Variants in FBXW5 observed in about 807,000 individuals in gnomAD.
The protein encoded by FBXW5 is F-box and WD repeat domain containing 5.
FBXW5 carries 74 observed loss-of-function variants against 50.9 expected under a neutral mutation model. The observed-to-expected ratio is 1.45, with a 90% confidence interval of 1.20 to 1.76. The LOEUF (loss-of-function observed/expected upper bound fraction) is 1.76, where lower values mean the gene tolerates loss of function less well. FBXW5 is among the 40% of genes most tolerant of loss of function. FBXW5 has a pLI of 0.00. For missense variants in FBXW5, 1,073 were observed against 818.8 expected (o/e 1.31, Z -3.79); for synonymous variants, 523 against 362.2 (o/e 1.44, Z -5.04).
chr9:136,941,661 G>T lies in FBXW5; in HGVS notation c.1120C>A (p.Gln374Lys). The T allele has an allele frequency of 1.9e-6, 3 of 1,564,632 alleles. No homozygotes were observed. Among genetic ancestry groups the T allele is most frequent in the Non-Finnish European group, 2.6e-6 (3 of 1,155,464 alleles). The change falls in exon 7 of 9, where the codon CAG becomes AAG. Residue 374 changes from glutamine to lysine, a missense_variant. Transcript: ENST00000325285. ...QIGIKQILPH[Q>K]MTTAGPVLGE... ...AGCACGGGCCCTGCCGTGGTCATCTGGTGTGGCAGGATCTGCTTGATGCCT... is the reference window on the plus strand; with the variant it reads ...AGCACGGGCCCTGCCGTGGTCATCTTGTGTGGCAGGATCTGCTTGATGCCT...
Position 136,943,385 on chromosome 9 carries a change from G to A in FBXW5, c.315C>T (p.Tyr105=). 1.2e-6 allele frequency: 2 copies of A among 1,612,912 alleles called. No homozygotes were observed. The highest frequency in any genetic ancestry group is 1.7e-6 in the Non-Finnish European group (2 of 1,179,952). ...VLHLSFSHSG[Y]QFASCSKDCT... is the part of the protein sequence containing the mutation. Reference sequence around the variant, plus strand: ...AGTCCTTGGAGCAGGACGCGAACTGGTACCCGGAATGGGAGAAGCTGAGGT... The same window carrying A: ...AGTCCTTGGAGCAGGACGCGAACTGATACCCGGAATGGGAGAAGCTGAGGT... Residue 105 remains tyrosine (Y), a synonymous_variant, in exon 3 of 9, where the codon TAC becomes TAT. Transcript: ENST00000325285.
chr9:136,943,011 G>A (rs1215154639), intron 3 of FBXW5, 68 bp from the exon 4 acceptor site: 1 of 1,602,244 alleles, frequency 6.2e-7, no homozygotes, highest in Non-Finnish European at 8.5e-7. Context: ...CTACTACACA[G>A]CCATGAGGCC....
At chr9:136,941,916 T>C (rs911893944) in intron 6 of FBXW5, 130 bp downstream of exon 6, 61 of 1,439,836 alleles carry the variant, frequency 4.2e-5, no homozygotes, top group Non-Finnish European at 5.0e-5. Context: ...TCTGGGCTTG[T>C]GACCCCAGGG....
Position 136,942,552 on chromosome 9 carries a change from A to C in FBXW5, c.670T>G (p.Phe224Val), listed in dbSNP as rs770046261. The C allele has an allele frequency of 9.9e-6, 16 of 1,610,600 alleles. No individual in the cohort carries two copies. Among genetic ancestry groups the C allele is most frequent in the Non-Finnish European group, 1.4e-5 (16 of 1,178,618 alleles). ...GCCCCTAGCCCCGCACGCACCTGGAAGGCATTGTTGAGCCACAGCACCGAG... is the reference window on the plus strand; with the variant it reads ...GCCCCTAGCCCCGCACGCACCTGGACGGCATTGTTGAGCCACAGCACCGAG... ...SCSVLWLNNA[F>V]QDVESENVNV... The change falls in exon 5 of 9, where the codon TTC becomes GTC. Residue 224 changes from phenylalanine to valine, a missense_variant. Coordinates refer to ENST00000325285, the MANE Select transcript of FBXW5 (RefSeq NM_018998.4).
In FBXW5 at chr9:136,943,939, G is replaced by A; in HGVS notation, c.145C>T (p.Gln49Ter). 1 of 1,553,824 alleles carries A rather than the reference G, an allele frequency of 6.4e-7. No homozygotes were observed. The highest frequency in any genetic ancestry group is 8.7e-7 in the Non-Finnish European group (1 of 1,149,272). The change falls in exon 2 of 9, where the codon CAG becomes TAG. Residue 49 changes from glutamine (Q) to a stop codon, truncating the protein, a stop_gained. Coordinates refer to ENST00000325285, the MANE Select transcript of FBXW5 (RefSeq NM_018998.4). LOFTEE classifies it high-confidence loss of function. The part of the protein sequence containing the change: ...VSRDEFLWRE[Q>*]FYRYYQVARD... ...GCCACCTGGTAGTAGCGGTAGAACT[G>A]CTCCCTCCACAGGAACTCGTCCCGC... is the stretch of plus-strand genomic sequence containing the variant.
In FBXW5 at chr9:136,942,407, A is replaced by G; in HGVS notation, c.735T>C (p.Asn245=). 6.2e-7 allele frequency: 1 copy of G among 1,608,852 alleles called. No individual in the cohort carries two copies. The highest frequency in any genetic ancestry group is 1.1e-5 in the South Asian group (1 of 90,982). Residue 245 remains asparagine, a synonymous_variant, in exon 6 of 9, where the codon AAT becomes AAC. Transcript: ENST00000325285. ...VKRLFKIQNL[N]ASTVRTVMVA... is the part of the protein sequence containing the mutation. ...CCATCACCGTGCGGACGGTGCTGGCATTGAGGTTCTGGATCTTGAACAGCC... is the reference window on the plus strand; with the variant it reads ...CCATCACCGTGCGGACGGTGCTGGCGTTGAGGTTCTGGATCTTGAACAGCC...
Position 136,940,744 on chromosome 9 carries a change from C to T in FBXW5, c.*184G>A. 1 of 1,021,554 alleles carries T rather than the reference C, an allele frequency of 9.8e-7. No homozygotes were observed. The highest frequency in any genetic ancestry group is 1.4e-6 in the Non-Finnish European group (1 of 721,300). 63.3% of individuals were successfully genotyped at this position (1,021,554 alleles called of 1,614,324 possible). ...GGCCTTGGGCTCCATCTGCACTGGC[C>T]ACCCCGTGCCAAGCATCACAGCTGC... On this transcript the variant is annotated 3_prime_UTR_variant, in exon 9 of 9. Transcript: ENST00000325285.
chr9:136,942,021 G>GGGCAGCAT (rs1850790208), intron 6 of FBXW5, 25 bp downstream of exon 6: 2 of 1,582,802 alleles, frequency 1.3e-6, no homozygotes, highest in Non-Finnish European at 1.7e-6. Context: ...GGACCGAGGC[G>GGGCAGCAT]GGCAGCATGG....
intron 8 of FBXW5, 36 bp downstream of exon 8, chr9:136,941,215 G>A (rs1346544713): frequency 6.3e-7 from 1 of 1,599,150 alleles, no homozygotes; most frequent in Non-Finnish European, 8.5e-7. Context: ...GCCCGCTGCT[G>A]CCCACACCCG....
At position 136,942,904 on chromosome 9, in the gene FBXW5, C is replaced by G. The variant is rs149461505; in HGVS notation, c.391G>C (p.Ala131Pro). The G allele has an allele frequency of 1.2e-6, 2 of 1,613,498 alleles. No individual in the cohort carries two copies. Among genetic ancestry groups the G allele is most frequent in the Non-Finnish European group, 1.7e-6 (2 of 1,179,970 alleles). ...NDLTISLLHS[A>P]DMRPYNWSYT... The stretch of plus-strand genomic sequence containing the variant: ...CTCCAGTTGTAGGGCCGCATGTCCG[C>G]GCTGTGCAGCAGCGAGATGGTCAGG... The change falls in exon 4 of 9, where the codon GCG becomes CCG. Residue 131 changes from alanine to proline, a missense_variant. Coordinates refer to ENST00000325285, the MANE Select transcript of FBXW5 (RefSeq NM_018998.4).
Position 136,942,734 on chromosome 9 carries a change from G to T in FBXW5, c.526+35C>A, listed in dbSNP as rs2131357377. ...GGGGCTGGACAGGCTGTCGGCGTGG[G>T]GCGGGGGCAGGGTCAACCCGCCGCC... On this transcript the variant is annotated intron_variant, in intron 4 of 8. Transcript: ENST00000325285. 5 of 1,611,644 alleles carry T rather than the reference G, an allele frequency of 3.1e-6. No individual in the cohort carries two copies. In the African/African-American group the frequency reaches 4.0e-5, roughly 13 times the overall value.
At chr9:136,943,316 G>GGT (rs774324435) in intron 3 of FBXW5, 33 bp downstream of exon 3, 1 of 1,603,990 alleles carries the variant, frequency 6.2e-7, no homozygotes, top group Non-Finnish European at 8.5e-7. Flanking sequence ...GGCAGAGCTG[G>GGT]GTGGGGTGTG....
rs750690697 is a variant in FBXW5, at chr9:136,942,622, G to A, written c.600C>T (p.Ser200=). 8 of 1,609,970 alleles carry A rather than the reference G, an allele frequency of 5.0e-6. No homozygotes were observed. The highest frequency in any genetic ancestry group is 5.9e-6 in the Non-Finnish European group (7 of 1,178,842). ...DVFGCWLTET[S]LISGNLHRIG... ...TGCGGTGCAGGTTCCCCGAGATGAG[G>A]CTGGTCTCGGTGAGCCAACAGCCAA... Residue 200 remains serine, a synonymous_variant, in exon 5 of 9, where the codon AGC becomes AGT. Transcript: ENST00000325285.
At chr9:136,943,315 G>A (rs2131359398) in intron 3 of FBXW5, 34 bp downstream of exon 3, 1 of 1,603,018 alleles carries the variant, frequency 6.2e-7, no homozygotes. Context: ...CGGCAGAGCT[G>A]GGTGGGGTGT....
chr9:136,943,814 A>G (rs1239128857), intron 2 of FBXW5, 77 bp downstream of exon 2: 4 of 1,464,724 alleles, frequency 2.7e-6, no homozygotes, highest in Non-Finnish European at 3.7e-6. Flanking sequence ...GCGGGCCCCC[A>G]GCCAGGCTGA....
In FBXW5 at chr9:136,942,888, T is replaced by C. The variant is rs1850848846; in HGVS notation, c.407A>G (p.Tyr136Cys). ...GGAGAACTGGGTGTAGCTCCAGTTG[T>C]AGGGCCGCATGTCCGCGCTGTGCAG... ...SLLHSADMRPYNWSYTQFSQF... is the reference protein window; with the variant it reads ...SLLHSADMRPCNWSYTQFSQF... The change falls in exon 4 of 9, where the codon TAC becomes TGC. Residue 136 changes from tyrosine (Y) to cysteine (C), a missense_variant. By Grantham distance (194) the Tyr-to-Cys change is radical. Coordinates refer to ENST00000325285, the MANE Select transcript of FBXW5 (RefSeq NM_018998.4). 2 of 1,613,462 alleles carry C rather than the reference T, an allele frequency of 1.2e-6. No individual in the cohort carries two copies. The highest frequency in any genetic ancestry group is 1.7e-6 in the Non-Finnish European group (2 of 1,179,966).
At chr9:136,944,486 G>GGGGCGGACGGCGGGGAC in intron 1 of FBXW5, 108 bp downstream of exon 1, 1 of 983,572 alleles carries the variant, frequency 1.0e-6, no homozygotes. Context: ...CGGCGGGCTC[G>GGGGCGGACGGCGGGGAC]GGGCGGACGG....
Position 136,941,473 on chromosome 9 carries a change from G to A in FBXW5, c.1245-10C>T. 6.2e-7 allele frequency: 1 copy of A among 1,606,436 alleles called. No individual in the cohort carries two copies. Among genetic ancestry groups the A allele is most frequent in the Non-Finnish European group, 8.5e-7 (1 of 1,179,702 alleles). On this transcript the variant is annotated splice_polypyrimidine_tract_variant and intron_variant, in intron 7 of 8. Coordinates refer to ENST00000325285, the MANE Select transcript of FBXW5 (RefSeq NM_018998.4). The stretch of plus-strand genomic sequence containing the variant: ...GTTCACGTACAGGTACCTGGGCGAG[G>A]GGCACTGTGCTAGGTGTGGGCCGCC...
chr9:136,941,937 G>A (rs946802477), intron 6 of FBXW5, 109 bp downstream of exon 6: 53 of 1,449,722 alleles, frequency 3.7e-5, no homozygotes, highest in East Asian at 1.2e-4. Flanking sequence ...GCGAGTGAAC[G>A]ATCCCAGCTT....
Sources: allele counts gnomAD v4.1 joint callset, GRCh38; gene constraint gnomAD v4.1.1; transcripts MANE v1.5; gene names NCBI Gene and HGNC (gene_info 2026-07-23, HGNC 2026-07-21).